The following ZNF43 variants were observed in gnomAD, a reference collection of about 807,000 sequenced individuals.
The protein encoded by ZNF43 is zinc finger protein 39-like 1 (KOX 27).
Under a neutral mutation model 68.4 loss-of-function variants are expected in ZNF43, and 44 were observed. That is an observed-to-expected ratio of 0.64 (90% CI 0.51 to 0.83). The LOEUF is 0.83. Among genes scored for constraint, ZNF43 ranks in the 40% least tolerant of loss-of-function variants. The pLI is 0.00. For synonymous variants in ZNF43, 308 were observed against 307.8 expected (o/e 1.00, Z -0.01); for missense variants, 896 against 933.2 (o/e 0.96, Z 0.52).
In ZNF43 at chr19:21,808,946, T is replaced by C; in HGVS notation, c.1091A>G (p.His364Arg). Residue 364 changes from histidine (H) to arginine (R), a missense_variant, in exon 4 of 4, where the codon CAT (histidine) becomes CGT (arginine). His to Arg is a conservative substitution (Grantham distance 29). Coordinates refer to ENST00000354959, the MANE Select transcript of ZNF43 (RefSeq NM_003423.4). ...FSNLTTHKRI[H>R]TAEKFYKCTE... ...ACATTTATAGAATTTCTCTGCAGTA[T>C]GGATTCTCTTATGTGTAGTAAGGTT... 1 of 1,613,820 alleles carries C rather than the reference T, an allele frequency of 6.2e-7. No individual in the cohort carries two copies. Among genetic ancestry groups the C allele is most frequent in the Non-Finnish European group, 8.5e-7 (1 of 1,179,882 alleles).
At chr19:21,833,149 C>G (rs2038504573) in intron 1 of ZNF43, among the ~76,000 whole-genome samples, 1 of 152,084 alleles carries the variant, frequency 6.6e-6, no homozygotes, top group African/African-American at 2.4e-5. Context: ...TGGTAGCATT[C>G]TAAAAGCTAA....
At position 21,808,871 on chromosome 19, in the gene ZNF43, T is replaced by G; in HGVS notation, c.1166A>C (p.Lys389Thr). The G allele has an allele frequency of 6.2e-7, 1 of 1,613,914 alleles. No homozygotes were observed. Among genetic ancestry groups the G allele is most frequent in the Non-Finnish European group, 8.5e-7 (1 of 1,179,882 alleles). ...GGGTTTCTTTTCAGTATGAATTTTC[T>G]TATGTTTAGTAAGGTTTGAGGACCG... ...FSRSSNLTKH[K>T]KIHTEKKPYK... The change falls in exon 4 of 4, where the codon AAG becomes ACG. Residue 389 changes from lysine to threonine, a missense_variant. Coordinates refer to ENST00000354959, the MANE Select transcript of ZNF43 (RefSeq NM_003423.4).
chr19:21,816,403 A>G (rs754699925), intron 3 of ZNF43, among the ~76,000 whole-genome samples: 2 of 152,178 alleles, frequency 1.3e-5, no homozygotes, highest in Non-Finnish European at 2.9e-5. Context: ...AAAGCCCAAG[A>G]TTAAGGAGTT....
intron 1 of ZNF43, among the ~76,000 whole-genome samples, chr19:21,829,764 G>T (rs1220322882): frequency 6.6e-6 from 1 of 152,096 alleles, no homozygotes; most frequent in Non-Finnish European, 1.5e-5. Context: ...CAGGTCTCTG[G>T]ACATATTGAA....
At chr19:21,835,989 C>A (rs200827980) in intron 1 of ZNF43, 47 bp downstream of exon 1, 4 of 1,613,034 alleles carry the variant, frequency 2.5e-6, no homozygotes, top group Middle Eastern at 1.7e-4. Context: ...GCCTGAGTCA[C>A]GCCACAGCCC....
intron 3 of ZNF43, among the ~76,000 whole-genome samples, chr19:21,814,407 ATC>A (rs2037421758): frequency 1.3e-5 from 2 of 149,592 alleles, no homozygotes; most frequent in African/African-American, 4.9e-5. Context: ...TTGGTGATTG[ATC>A]TCTTTTTTTT....
In ZNF43 at chr19:21,809,787, G is replaced by A; in HGVS notation, c.250C>T (p.Gln84Ter). 1.3e-6 allele frequency: 2 copies of A among 1,554,502 alleles called. No homozygotes were observed. The highest frequency in any genetic ancestry group is 8.7e-7 in the Non-Finnish European group (1 of 1,155,152). Residue 84 changes from glutamine to a stop codon, truncating the protein, a stop_gained, in exon 4 of 4, where the codon CAA becomes TAA. Coordinates refer to ENST00000354959, the MANE Select transcript of ZNF43 (RefSeq NM_003423.4). LOFTEE classifies it high-confidence loss of function. ...ATATGCTGCTCTGGCCAAAAGTCTT[G>A]GGTAAAATGAGAACACATAACTGAA... is the stretch of plus-strand genomic sequence containing the variant. ...KPPVMCSHFTQDFWPEQHIKD... is the reference protein window; with the variant it reads ...KPPVMCSHFT
rs747157934 is a variant in ZNF43 at position 21,819,109 on chromosome 19, T to C, written c.116A>G (p.Asn39Ser). 6 of 1,611,018 alleles carry C rather than the reference T, an allele frequency of 3.7e-6. No homozygotes were observed. The highest frequency in any genetic ancestry group is 5.1e-6 in the Non-Finnish European group (6 of 1,178,662). The stretch of plus-strand genomic sequence containing the variant: ...GTTATGCTCACCCAGGAAGACCAGG[T>C]TTCTGTAGTTCTCTAACATCACATT... ...YRNVMLENYRNLVFLGIAVSK... is the reference protein window; with the variant it reads ...YRNVMLENYRSLVFLGIAVSK... The change falls in exon 2 of 4, where the codon AAC becomes AGC. Residue 39 changes from asparagine (N) to serine (S), a missense_variant. Coordinates refer to ENST00000354959, the MANE Select transcript of ZNF43 (RefSeq NM_003423.4).
intron 1 of ZNF43, among the ~76,000 whole-genome samples, chr19:21,820,885 G>C (rs999977917): frequency 7.0e-6 from 1 of 143,086 alleles, no homozygotes; most frequent in African/African-American, 2.6e-5. Flanking sequence ...CCAGGCTGAA[G>C]TGCAATGGTG....
chr19:21,816,960 G>C, intron 3 of ZNF43, among the ~76,000 whole-genome samples: 1 of 152,156 alleles, frequency 6.6e-6, no homozygotes, highest in South Asian at 2.1e-4. Context: ...TTCACTACAG[G>C]CCAGGGGTGG....
chr19:21,833,369 C>T (rs146565576), intron 1 of ZNF43, among the ~76,000 whole-genome samples: 13,222 of 152,106 alleles, frequency 0.087, 640 homozygotes, highest in Middle Eastern at 0.15. Flanking sequence ...CAGGTTCAAG[C>T]GATTCTCCTG....
Position 21,809,224 on chromosome 19 carries a change from T to C in ZNF43, c.813A>G (p.Ser271=). The C allele has an allele frequency of 6.2e-7, 1 of 1,613,712 alleles. No individual in the cohort carries two copies. Among genetic ancestry groups the C allele is most frequent in the East Asian group, 2.2e-5 (1 of 44,860 alleles). ...GAATTATCTTATGGGTAGTAAGGAT[T>C]GAGGACTTGTTAAAAGCTTTGCCAC... ...EECGKAFNKS[S]ILTTHKIIRT... The change falls in exon 4 of 4, where the codon TCA becomes TCG. Residue 271 remains serine, a synonymous_variant. Coordinates refer to ENST00000354959, the MANE Select transcript of ZNF43 (RefSeq NM_003423.4).
chr19:21,842,634 C>G (rs1011835292), intron 1 of ZNF43, among the ~76,000 whole-genome samples: 1 of 151,956 alleles, frequency 6.6e-6, no homozygotes, highest in Non-Finnish European at 1.5e-5. Context: ...GTCACATAAC[C>G]TAGGAATTGA....
chr19:21,817,767 C>G lies in ZNF43; in HGVS notation c.229+121G>C, dbSNP rs138685426. 234 of 1,061,566 alleles carry G rather than the reference C, an allele frequency of 2.2e-4. No homozygotes were observed. The African/African-American group carries it at 3.4e-3, about 15-fold the overall frequency. The allele number at this position is 1,061,566 out of a possible 1,614,324, so 65.8% of individuals were successfully genotyped here. A position where few individuals can be genotyped will look rare whatever the true frequency, so the allele number is the denominator to read the frequency against. ...TGAAAGCAAAATGAAAAAACTCAGG[C>G]TTTCCAGAAACTCTTTCCTTTGGAA... On this transcript the variant is annotated intron_variant, in intron 3 of 3. Coordinates refer to ENST00000354959, the MANE Select transcript of ZNF43 (RefSeq NM_003423.4).
chr19:21,850,424 G>T (rs1402725139), intron 1 of ZNF43, among the ~76,000 whole-genome samples: 1 of 152,206 alleles, frequency 6.6e-6, no homozygotes, highest in African/African-American at 2.4e-5. Flanking sequence ...GCCGGGCATG[G>T]TGGCAGGCAC....
chr19:21,840,557 A>G (rs1444974352), upstream of ZNF43: 1 of 152,196 alleles, frequency 6.6e-6, no homozygotes, highest in East Asian at 1.9e-4. Context: ...TTGGTTTGAG[A>G]GTCACCAGCC....
chr19:21,818,030 TC>T, intron 2 of ZNF43, 44 bp from the exon 3 acceptor site: 1 of 1,560,192 alleles, frequency 6.4e-7, no homozygotes, highest in Non-Finnish European at 8.8e-7. Flanking sequence ...GCTCATATTC[TC>T]CCATTATTAA....
rs1394071580 is a variant in ZNF43, at chr19:21,809,497, G to C, written c.540C>G (p.Gly180=). ...EKKLFKCKEC[G]KSFCMLPHLA... ...GATGTGGAAGCATGCAAAATGATTT[G>C]CCACATTCTTTGCATTTGAAAAGTT... Residue 180 remains glycine (G), a synonymous_variant, in exon 4 of 4, where the codon GGC becomes GGG. Coordinates refer to ENST00000354959, the MANE Select transcript of ZNF43 (RefSeq NM_003423.4). 1 of 1,613,500 alleles carries C rather than the reference G, an allele frequency of 6.2e-7. No homozygotes were observed. The highest frequency in any genetic ancestry group is 2.2e-5 in the East Asian group (1 of 44,854).
Position 21,809,190 on chromosome 19 carries a change from C to T in ZNF43, c.847G>A (p.Glu283Lys), listed in dbSNP as rs1421118756. Residue 283 changes from glutamate (E) to lysine (K), a missense_variant, in exon 4 of 4, where the codon GAG (glutamate) becomes AAG (lysine). Coordinates refer to ENST00000354959, the MANE Select transcript of ZNF43 (RefSeq NM_003423.4). ...CATTCTTTACATTTGTAGAATTTCTCTCCAGTGCGAATTATCTTATGGGTA... is the reference window on the plus strand; with the variant it reads ...CATTCTTTACATTTGTAGAATTTCTTTCCAGTGCGAATTATCTTATGGGTA... ...LTTHKIIRTGEKFYKCKECAK... is the reference protein window; with the variant it reads ...LTTHKIIRTGKKFYKCKECAK... 1.9e-6 allele frequency: 3 copies of T among 1,613,332 alleles called. No individual in the cohort carries two copies. The highest frequency in any genetic ancestry group is 2.5e-6 in the Non-Finnish European group (3 of 1,179,754).
Sources: allele counts gnomAD v4.1 joint callset (sites outside exome capture counted in the v4.1 genomes callset), GRCh38; gene constraint gnomAD v4.1.1; transcripts MANE v1.5; gene names NCBI Gene and HGNC (gene_info 2026-07-23, HGNC 2026-07-21).